Variants in CFAP61 observed in about 807,000 individuals in gnomAD.
CFAP61 encodes the protein cilia and flagella associated protein 61.
In CFAP61, 107 loss-of-function variants were observed where a neutral mutation model predicts 135.6. The ratio of observed to expected loss-of-function variants is 0.79; its 90% CI spans 0.67 to 0.93. CFAP61 has a LOEUF of 0.93. CFAP61 is among the 40% of genes least tolerant of loss of function. The pLI is 0.00. For synonymous variants in CFAP61, 575 were observed against 578.5 expected (o/e 0.99, Z 0.09); for missense variants, 1,507 against 1,556.2 (o/e 0.97, Z 0.53).
At chr20:20,120,742 C>T (rs1209070465) in intron 8 of CFAP61, among the ~76,000 whole-genome samples, 2 of 152,224 alleles carry the variant, frequency 1.3e-5, no homozygotes, top group South Asian at 2.1e-4. Context: ...GAAGCCCTTA[C>T]TACTATTACG....
chr20:20,213,995 A>G (rs915762646), intron 17 of CFAP61, among the ~76,000 whole-genome samples: 1 of 152,016 alleles, frequency 6.6e-6, no homozygotes, highest in Admixed American at 6.6e-5. Flanking sequence ...CTTTGAAAGA[A>G]ATGAGCAAAG....
At chr20:20,321,820 G>A (rs996808698) in intron 25 of CFAP61, among the ~76,000 whole-genome samples, 1 of 152,194 alleles carries the variant, frequency 6.6e-6, no homozygotes, top group African/African-American at 2.4e-5. Flanking sequence ...CAGAAAGAGT[G>A]TAAGGTGTAT....
intron 18 of CFAP61, among the ~76,000 whole-genome samples, chr20:20,238,543 G>A (rs549499902): frequency 6.8e-4 from 103 of 152,264 alleles, no homozygotes; most frequent in African/African-American, 2.3e-3. Context: ...CTTTGGTTGC[G>A]TTTGCTATGC....
intron 8 of CFAP61, among the ~76,000 whole-genome samples, chr20:20,123,712 G>A (rs1260367344): frequency 2.0e-5 from 3 of 151,466 alleles, no homozygotes; most frequent in Non-Finnish European, 2.9e-5. Context: ...TTGGCTATGC[G>A]GGCTCTTTTT....
At chr20:20,100,946 ACTTAT>A (rs1300359236) in intron 8 of CFAP61, among the ~76,000 whole-genome samples, 2 of 152,220 alleles carry the variant, frequency 1.3e-5, no homozygotes, top group African/African-American at 4.8e-5. Context: ...AAATAGGAAA[ACTTAT>A]CTTCTGTGCC....
chr20:20,093,942 G>A (rs778238043), intron 7 of CFAP61, among the ~76,000 whole-genome samples: 20 of 152,106 alleles, frequency 1.3e-4, no homozygotes, highest in Non-Finnish European at 2.8e-4. Flanking sequence ...CTCCCAAAGT[G>A]CTACGGTTAC....
chr20:20,278,401 C>T (rs149915947), intron 22 of CFAP61, among the ~76,000 whole-genome samples: 52 of 152,296 alleles, frequency 3.4e-4, no homozygotes, highest in African/African-American at 1.2e-3. Context: ...TCAGAGTTTA[C>T]AGCTTAGGAG....
At chr20:20,103,603 A>T (rs2048174335) in intron 8 of CFAP61, among the ~76,000 whole-genome samples, 1 of 152,214 alleles carries the variant, frequency 6.6e-6, no homozygotes, top group Non-Finnish European at 1.5e-5. Flanking sequence ...AGATCCCCTT[A>T]AATGCTAAAA....
chr20:20,080,421 AAATTT>A (rs1386417615), intron 6 of CFAP61, among the ~76,000 whole-genome samples: 1 of 152,136 alleles, frequency 6.6e-6, no homozygotes, highest in African/African-American at 2.4e-5. Context: ...TTATTTATGG[AAATTT>A]AATTTAAGTT....
intron 2 of CFAP61, among the ~76,000 whole-genome samples, chr20:20,070,422 A>AT (rs35492888): frequency 6.6e-6 from 1 of 152,050 alleles, no homozygotes. Context: ...CAGGACTTTC[A>AT]TTTTTTTAAT....
At chr20:20,233,314 C>A (rs1442678223) in intron 18 of CFAP61, among the ~76,000 whole-genome samples, 1 of 152,224 alleles carries the variant, frequency 6.6e-6, no homozygotes, top group African/African-American at 2.4e-5. Flanking sequence ...CAGAGCTCAA[C>A]CGCAATGGAC....
At chr20:20,356,685 G>C (rs371734330) in intron 26 of CFAP61, among the ~76,000 whole-genome samples, 4 of 21,344 alleles carry the variant, frequency 1.9e-4, no homozygotes, top group Non-Finnish European at 2.2e-4. Context: ...GGTGGTCATA[G>C]TGTGAGGGGA....
At chr20:20,284,421 G>A (rs1411604708) in intron 22 of CFAP61, among the ~76,000 whole-genome samples, 1 of 151,994 alleles carries the variant, frequency 6.6e-6, no homozygotes. Context: ...GAGTAGCTGG[G>A]ACTACAGGCG....
At chr20:20,212,669 A>AC (rs1033964256) in intron 17 of CFAP61, among the ~76,000 whole-genome samples, 180 of 151,182 alleles carry the variant, frequency 1.2e-3, no homozygotes, top group Non-Finnish European at 2.2e-3. Flanking sequence ...GCTATCCTCC[A>AC]CCCCCACCTG....
intron 13 of CFAP61, among the ~76,000 whole-genome samples, chr20:20,183,164 T>C (rs1245967719): frequency 1.5e-5 from 2 of 133,922 alleles, no homozygotes; most frequent in Non-Finnish European, 3.4e-5. Context: ...TTTTCTTTTT[T>C]TTTTTTTTTA....
intron 25 of CFAP61, among the ~76,000 whole-genome samples, chr20:20,310,097 T>C (rs2424348): frequency 0.71 from 108,725 of 152,074 alleles, 39,295 homozygotes; most frequent in African/African-American, 0.83. Context: ...CTGGTTCAAG[T>C]GATTCTCCTG....
chr20:20,136,145 T>C (rs1355716771), intron 8 of CFAP61, among the ~76,000 whole-genome samples: 1 of 152,190 alleles, frequency 6.6e-6, no homozygotes, highest in Non-Finnish European at 1.5e-5. Flanking sequence ...TTTTTTTCTC[T>C]TGCTGCTTTT....
At chr20:20,320,027 C>T (rs1234162670) in intron 25 of CFAP61, among the ~76,000 whole-genome samples, 2 of 151,890 alleles carry the variant, frequency 1.3e-5, no homozygotes, top group Non-Finnish European at 2.9e-5. Flanking sequence ...ACATGTAAAA[C>T]ATGTAAAACA....
chr20:20,121,041 G>A (rs2049576667), intron 8 of CFAP61, among the ~76,000 whole-genome samples: 1 of 151,592 alleles, frequency 6.6e-6, no homozygotes, highest in African/African-American at 2.4e-5. Context: ...GTTTCTTGTA[G>A]GCAGCATATA....
Sources: gnomAD v4.1 joint callset for allele counts (sites outside exome capture counted in the v4.1 genomes callset) on GRCh38, gnomAD v4.1.1 for gene constraint, MANE v1.5 for transcripts, NCBI Gene and HGNC (gene_info 2026-07-23, HGNC 2026-07-21) for gene names.